Variants in C19orf47 observed in about 807,000 individuals in gnomAD.
The protein encoded by C19orf47 is uncharacterized protein C19orf47.
C19orf47 carries 18 observed loss-of-function variants against 32.3 expected under a neutral mutation model. The observed-to-expected ratio is 0.56, with a 90% confidence interval of 0.39 to 0.83. The LOEUF is 0.83. Among genes scored for constraint, C19orf47 ranks in the 40% least tolerant of loss-of-function variants. The pLI is 0.00. For missense variants in C19orf47, 484 were observed against 531.6 expected, an observed-to-expected ratio of 0.91 and a Z score of 0.88; for synonymous variants, 202 against 211.1, an observed-to-expected ratio of 0.96 and a Z score of 0.37.
At chr19:40,309,149 G>A in the C19orf47 span, among the ~76,000 whole-genome samples, 5 of 151,642 alleles carry the variant, frequency 3.3e-5, no homozygotes, top group Admixed American at 1.3e-4. Flanking sequence ...ATAATGGCTA[G>A]TAGGTTCAGC....
intron 1 of C19orf47, among the ~76,000 whole-genome samples, chr19:40,345,519 C>G (rs1218183226): frequency 7.6e-6 from 1 of 132,316 alleles, no homozygotes; most frequent in Non-Finnish European, 1.5e-5. Context: ...GGCAATATAG[C>G]GAGACCCTGT....
chr19:40,348,423 A>G (rs1481545289), upstream of C19orf47: 6 of 1,490,538 alleles, frequency 4.0e-6, no homozygotes, highest in Non-Finnish European at 5.3e-6. Context: ...CCCGCCCCGG[A>G]AGCATCCTCT....
At chr19:40,313,241 T>C in the C19orf47 span, among the ~76,000 whole-genome samples, 1 of 152,252 alleles carries the variant, frequency 6.6e-6, no homozygotes, top group Non-Finnish European at 1.5e-5. Flanking sequence ...TCTTATTTCA[T>C]ATCCTTTTAA....
intron 6 of C19orf47, among the ~76,000 whole-genome samples, chr19:40,327,869 G>A (rs1411204176): frequency 6.6e-6 from 1 of 152,176 alleles, no homozygotes; most frequent in Admixed American, 6.5e-5. Flanking sequence ...ATGCAAAGTG[G>A]GGCGATGCAA....
At chr19:40,341,714 C>CA (rs2078181163) in intron 2 of C19orf47, 125 bp downstream of exon 2, 1 of 1,390,894 alleles carries the variant, frequency 7.2e-7, no homozygotes, top group Non-Finnish European at 9.7e-7. Context: ...CCACGGTCCT[C>CA]AGAGTACAGC....
chr19:40,312,933 C>A, the C19orf47 span, among the ~76,000 whole-genome samples: 2 of 152,218 alleles, frequency 1.3e-5, no homozygotes, highest in African/African-American at 4.8e-5. Context: ...TGTCCATTCT[C>A]CAGTTGCTGG....
chr19:40,297,220 T>C, the C19orf47 span, among the ~76,000 whole-genome samples: 1 of 152,180 alleles, frequency 6.6e-6, no homozygotes, highest in African/African-American at 2.4e-5. Flanking sequence ...TGGATTTCAC[T>C]TATGGTCCTT....
intron 6 of C19orf47, 149 bp downstream of exon 6, chr19:40,328,264 C>CA (rs773530047): frequency 7.9e-7 from 1 of 1,261,654 alleles, no homozygotes; most frequent in East Asian, 2.7e-5. Context: ...GCACCTTGAC[C>CA]AAGTTTACAG....
chr19:40,341,901 A>C lies in C19orf47; in HGVS notation c.-33-11T>G, dbSNP rs549691617. The C allele has an allele frequency of 3.6e-4, 555 of 1,536,194 alleles. No homozygotes were observed. Among genetic ancestry groups the C allele is most frequent in the Non-Finnish European group, 4.3e-4 (490 of 1,146,870 alleles). On this transcript the variant is annotated splice_polypyrimidine_tract_variant and intron_variant, in intron 1 of 8. Coordinates refer to ENST00000683109, the MANE Select transcript of C19orf47 (RefSeq NM_001256441.2). ...ACTGCTCCCTGGAGCCTGAAAGAGA[A>C]GAGAGGAGAGAGCCCATGAGCTGCT... is the stretch of plus-strand genomic sequence containing the variant.
chr19:40,314,234 C>T, the C19orf47 span, among the ~76,000 whole-genome samples: 1 of 152,078 alleles, frequency 6.6e-6, no homozygotes, highest in Admixed American at 6.6e-5. Flanking sequence ...TCAAGACCAG[C>T]CTGAACAATA....
At chr19:40,340,058 G>A (rs918865593) in intron 2 of C19orf47, among the ~76,000 whole-genome samples, 4 of 151,746 alleles carry the variant, frequency 2.6e-5, no homozygotes, top group Non-Finnish European at 5.9e-5. Flanking sequence ...TATGGAGAAT[G>A]GAGAAGAGAG....
At chr19:40,341,972 T>A (rs2078186971) in intron 1 of C19orf47, 82 bp from the exon 2 acceptor site, 6 of 1,533,068 alleles carry the variant, frequency 3.9e-6, no homozygotes, top group Non-Finnish European at 5.2e-6. Flanking sequence ...TCTGTCTGCA[T>A]GCCAGAGGAA....
chr19:40,331,858 A>G (rs1301190922), intron 5 of C19orf47, among the ~76,000 whole-genome samples: 1 of 151,868 alleles, frequency 6.6e-6, no homozygotes, highest in Non-Finnish European at 1.5e-5. Context: ...CCAACATGGT[A>G]AAACCTCATC....
At chr19:40,310,747 A>C in the C19orf47 span, among the ~76,000 whole-genome samples, 5 of 152,228 alleles carry the variant, frequency 3.3e-5, no homozygotes, top group Non-Finnish European at 7.3e-5. Flanking sequence ...GAGTAAGAAA[A>C]TATAATTATG....
At chr19:40,324,185 G>T (rs1265329987) in intron 7 of C19orf47, 109 bp from the exon 8 acceptor site, 2 of 1,054,614 alleles carry the variant, frequency 1.9e-6, no homozygotes, top group Non-Finnish European at 3.0e-6. Context: ...GGGACAGGCA[G>T]GGCCAGACTG....
chr19:40,336,899 C>T (rs999499345), intron 2 of C19orf47, among the ~76,000 whole-genome samples: 6 of 152,090 alleles, frequency 3.9e-5, no homozygotes, highest in Non-Finnish European at 8.8e-5. Flanking sequence ...CTTGGCAAGC[C>T]CCCACCCGCC....
At chr19:40,311,070 T>C in the C19orf47 span, among the ~76,000 whole-genome samples, 1 of 151,870 alleles carries the variant, frequency 6.6e-6, no homozygotes, top group Non-Finnish European at 1.5e-5. Context: ...AGCCCCCTTC[T>C]CTACAAAAAA....
downstream of C19orf47, among the ~76,000 whole-genome samples, chr19:40,317,624 G>A (rs1331477432): frequency 4.6e-5 from 7 of 152,096 alleles, no homozygotes; most frequent in African/African-American, 1.7e-4. Flanking sequence ...CTCAAGGCGA[G>A]CAGCATCCTA....
chr19:40,326,551 G>T, intron 6 of C19orf47, 65 bp from the exon 7 acceptor site: 2 of 1,556,364 alleles, frequency 1.3e-6, no homozygotes, highest in South Asian at 2.3e-5. Context: ...GATGGAAGCT[G>T]GACACTAGGT....
Sources: gnomAD v4.1 joint callset for allele counts (sites outside exome capture counted in the v4.1 genomes callset) on GRCh38, gnomAD v4.1.1 for gene constraint, MANE v1.5 for transcripts, NCBI Gene and HGNC (gene_info 2026-07-23, HGNC 2026-07-21) for gene names.